BMP5: variants seen among roughly 807,000 people sequenced by gnomAD.
The protein encoded by BMP5 is bone morphogenetic protein 5.
In BMP5, 23 loss-of-function variants were observed where a neutral mutation model predicts 46.6. That is an observed-to-expected ratio of 0.49 (90% CI 0.35 to 0.70). The LOEUF is 0.70. Among genes scored for constraint, BMP5 ranks in the 30% least tolerant of loss-of-function variants. BMP5 has a pLI of 0.00. For missense variants in BMP5, 545 were observed against 565.6 expected, an observed-to-expected ratio of 0.96 and a Z score of 0.37; for synonymous variants, 204 against 191.9, an observed-to-expected ratio of 1.06 and a Z score of -0.52.
intron 1 of BMP5, among the ~76,000 whole-genome samples, chr6:55,860,094 G>A (rs1018349273): frequency 2.6e-5 from 4 of 152,094 alleles, no homozygotes; most frequent in East Asian, 1.9e-4. Context: ...GGGCAATATA[G>A]GGAGACTTCA....
intron 3 of BMP5, among the ~76,000 whole-genome samples, chr6:55,793,990 G>A (rs1204675848): frequency 1.3e-5 from 2 of 152,090 alleles, no homozygotes; most frequent in East Asian, 3.8e-4. Flanking sequence ...TTAGAGTAGT[G>A]CTACTTACTT....
chr6:55,865,899 G>T (rs887871501), intron 1 of BMP5, among the ~76,000 whole-genome samples: 1 of 152,118 alleles, frequency 6.6e-6, no homozygotes, highest in African/African-American at 2.4e-5. Context: ...TACGCAGCTG[G>T]AATTCAAACC....
intron 3 of BMP5, among the ~76,000 whole-genome samples, chr6:55,774,672 C>T (rs955836192): frequency 6.6e-6 from 1 of 151,978 alleles, no homozygotes; most frequent in East Asian, 1.9e-4. Context: ...TTTCTACTTT[C>T]TCCAGCCTAT....
chr6:55,801,692 T>C (rs1050486870), intron 2 of BMP5, among the ~76,000 whole-genome samples: 1 of 152,234 alleles, frequency 6.6e-6, no homozygotes, highest in Non-Finnish European at 1.5e-5. Flanking sequence ...TGGCTAATTA[T>C]ACTGGAACAC....
At chr6:55,856,382 G>C (rs1200182884) in intron 1 of BMP5, among the ~76,000 whole-genome samples, 2 of 151,974 alleles carry the variant, frequency 1.3e-5, no homozygotes, top group African/African-American at 2.4e-5. Context: ...CATTTCTCTA[G>C]GTAAATACCT....
intron 1 of BMP5, among the ~76,000 whole-genome samples, chr6:55,834,560 A>C (rs925044233): frequency 6.6e-6 from 1 of 152,106 alleles, no homozygotes; most frequent in African/African-American, 2.4e-5. Context: ...ATATACATTC[A>C]TTTAGATTAT....
Position 55,776,112 on chromosome 6 carries a change from C to A in BMP5, c.833-1869G>T, listed in dbSNP as rs9475403. Among the ~76,000 whole-genome samples the A allele has an allele frequency of 9.0e-3, 1,366 of 152,056 alleles. 28 individuals carry two copies. Among genetic ancestry groups the A allele is most frequent in the African/African-American group, 0.031 (1,283 of 41,514 alleles). ...AAGCAGTAAACCTTAAACAAATAAG[C>A]ATATAGATTTCTCTTTTAAATGCAA... is the stretch of plus-strand genomic sequence containing the variant. On this transcript the variant is annotated intron_variant, in intron 3 of 6. Coordinates refer to ENST00000370830, the MANE Select transcript of BMP5 (RefSeq NM_021073.4).
chr6:55,821,453 G>A (rs1356306714), intron 1 of BMP5, among the ~76,000 whole-genome samples: 1 of 152,006 alleles, frequency 6.6e-6, no homozygotes, highest in Non-Finnish European at 1.5e-5. Flanking sequence ...CAAGTAGCTG[G>A]GACTACTATA....
In BMP5 at chr6:55,786,250, T is replaced by C. The variant is rs558262289; in HGVS notation, c.832+8029A>G. On this transcript the variant is annotated intron_variant, in intron 3 of 6. Coordinates refer to ENST00000370830, the MANE Select transcript of BMP5 (RefSeq NM_021073.4). ...TCTACATATAGTGTTTTTTTATACA[T>C]GAATATAATGCTTAAAGTATAAATA... Among the ~76,000 whole-genome samples, 8 of 151,888 alleles carry C rather than the reference T, an allele frequency of 5.3e-5. No individual in the cohort carries two copies. The East Asian group carries it at 1.4e-3, about 26-fold the overall frequency.
At chr6:55,769,270 T>C (rs1302289034) in intron 4 of BMP5, among the ~76,000 whole-genome samples, 1 of 152,016 alleles carries the variant, frequency 6.6e-6, no homozygotes, top group Non-Finnish European at 1.5e-5. Context: ...GTCCATCTTC[T>C]CAAATCCTGC....
At chr6:55,844,174 C>T (rs1562066550) in intron 1 of BMP5, among the ~76,000 whole-genome samples, 1 of 152,048 alleles carries the variant, frequency 6.6e-6, no homozygotes, top group East Asian at 1.9e-4. Flanking sequence ...CTAGATTAAG[C>T]CACCTCCCCC....
intron 1 of BMP5, among the ~76,000 whole-genome samples, chr6:55,853,766 C>T (rs1298852008): frequency 3.3e-5 from 5 of 152,124 alleles, no homozygotes; most frequent in Admixed American, 3.3e-4. Flanking sequence ...GCTGGTTATA[C>T]AGTCAAACCC....
At chr6:55,850,354 GTAGATAGA>G (rs57677270) in intron 1 of BMP5, among the ~76,000 whole-genome samples, 168 of 83,222 alleles carry the variant, frequency 2.0e-3, no homozygotes, top group East Asian at 5.4e-3. Flanking sequence ...AGGTAAGTAG[GTAGATAGA>G]TAGATAGATA....
intron 2 of BMP5, among the ~76,000 whole-genome samples, chr6:55,806,509 T>C (rs897162729): frequency 2.1e-4 from 32 of 152,208 alleles, no homozygotes; most frequent in Admixed American, 9.8e-4. Context: ...GCATGATGCC[T>C]CCAGCTTTGT....
At chr6:55,760,565 G>A (rs753470938) in intron 4 of BMP5, 32 bp from the exon 5 acceptor site, 7 of 1,572,870 alleles carry the variant, frequency 4.5e-6, no homozygotes, top group South Asian at 4.4e-5. Flanking sequence ...TGAATAAATG[G>A]TTGCTTACAG....
In BMP5 at chr6:55,821,733, T is replaced by A. The variant is rs1776414460; in HGVS notation, c.491-1886A>T. ...TCTCTGGTGATAGTGCAGACTGCCA[T>A]GATAGTGCAGACTGCACACTCCTCC... On this transcript the variant is annotated intron_variant, in intron 1 of 6. Coordinates refer to ENST00000370830, the MANE Select transcript of BMP5 (RefSeq NM_021073.4). 2.0e-5 allele frequency among the ~76,000 whole-genome samples: 3 copies of A among 152,180 alleles called. No individual in the cohort carries two copies. In the South Asian group the frequency reaches 6.2e-4, roughly 32 times the overall value.
chr6:55,849,478 A>C, intron 1 of BMP5, among the ~76,000 whole-genome samples: 1 of 152,038 alleles, frequency 6.6e-6, no homozygotes, highest in Admixed American at 6.6e-5. Context: ...TAAGCAACAC[A>C]CATAGATTGG....
At chr6:55,849,446 T>C (rs1047313467) in intron 1 of BMP5, among the ~76,000 whole-genome samples, 1 of 152,000 alleles carries the variant, frequency 6.6e-6, no homozygotes, top group African/African-American at 2.4e-5. Context: ...TCTGAAAAAC[T>C]GGCAATTTAC....
intron 1 of BMP5, among the ~76,000 whole-genome samples, chr6:55,833,374 A>G (rs1344961878): frequency 1.3e-5 from 2 of 152,210 alleles, no homozygotes; most frequent in East Asian, 3.9e-4. Context: ...TTGAAAACAT[A>G]TCAACATCAC....
Sources: allele counts gnomAD v4.1 joint callset (sites outside exome capture counted in the v4.1 genomes callset), GRCh38; gene constraint gnomAD v4.1.1; transcripts MANE v1.5; gene names NCBI Gene and HGNC (gene_info 2026-07-23, HGNC 2026-07-21).